TEX10: variants seen among roughly 807,000 people sequenced by gnomAD.
TEX10 encodes the protein testis expressed 10, also known as testis-expressed protein 10.
A neutral mutation model predicts 104.4 loss-of-function variants in TEX10; 24 were observed. The ratio of observed to expected loss-of-function variants is 0.23; its 90% CI spans 0.17 to 0.32. The LOEUF (loss-of-function observed/expected upper bound fraction) is 0.32, where lower values mean the gene tolerates loss of function less well. TEX10 is among the 10% of genes least tolerant of loss of function. The probability of loss-of-function intolerance (pLI) is 1.00; values close to 1 mark genes in which losing one functional copy is unlikely to be tolerated. For synonymous variants in TEX10, 396 were observed against 393.4 expected (o/e 1.01, Z -0.08); for missense variants, 921 against 1,083.9 (o/e 0.85, Z 2.11).
chr9:100,352,059 G>A (rs1423135686), intron 1 of TEX10, among the ~76,000 whole-genome samples: 1 of 152,100 alleles, frequency 6.6e-6, no homozygotes, highest in Non-Finnish European at 1.5e-5. Context: ...GCGTTTTTAG[G>A]ATTTCAATCG....
chr9:100,347,813 C>T (rs929720840), intron 2 of TEX10, among the ~76,000 whole-genome samples: 17 of 152,022 alleles, frequency 1.1e-4, no homozygotes, highest in Non-Finnish European at 2.2e-4. Context: ...TCAGAGTATA[C>T]TACCTGACAA....
At chr9:100,334,422 A>T (rs1834954799) in intron 5 of TEX10, among the ~76,000 whole-genome samples, 1 of 152,190 alleles carries the variant, frequency 6.6e-6, no homozygotes, top group African/African-American at 2.4e-5. Flanking sequence ...ATTCTTCAGA[A>T]ATGCGAGAGA....
In TEX10 at chr9:100,324,853, T is replaced by C. The variant is rs922107010; in HGVS notation, c.1979+1449A>G. Among the ~76,000 whole-genome samples the C allele has an allele frequency of 1.3e-4, 20 of 152,140 alleles. 1 individual carries two copies. The highest frequency in any genetic ancestry group is 2.4e-5 in the African/African-American group (1 of 41,454). On this transcript the variant is annotated intron_variant, in intron 9 of 14. Transcript: ENST00000374902. The stretch of plus-strand genomic sequence containing the variant: ...CTCTTAAGTTACGGAAAATTTTTTT[T>C]AAAAATTTAACTTTTAAAAGGCCTA...
chr9:100,346,613 T>G (rs1835304976), intron 3 of TEX10, 81 bp downstream of exon 3: 5 of 1,408,946 alleles, frequency 3.5e-6, no homozygotes, highest in Non-Finnish European at 4.8e-6. Context: ...ACTGCATGTC[T>G]TCCCACCAAC....
At chr9:100,312,520 C>CAA (rs1229760502) in intron 11 of TEX10, among the ~76,000 whole-genome samples, 3 of 152,102 alleles carry the variant, frequency 2.0e-5, no homozygotes, top group Non-Finnish European at 2.9e-5. Flanking sequence ...ACTTTATGTC[C>CAA]AATAAGAGGA....
chr9:100,338,872 CAG>C (rs1835082051), intron 5 of TEX10, among the ~76,000 whole-genome samples: 1 of 151,860 alleles, frequency 6.6e-6, no homozygotes, highest in African/African-American at 2.4e-5. Flanking sequence ...GCCTGGGCAA[CAG>C]AGTGAGACTC....
At chr9:100,352,739 G>A (rs1402306238) in intron 1 of TEX10, 33 bp downstream of exon 1, 2 of 1,189,256 alleles carry the variant, frequency 1.7e-6, no homozygotes, top group African/African-American at 3.2e-5. Flanking sequence ...CGCGCCCCGG[G>A]AGGACCCGGC....
chr9:100,315,641 C>T (rs1588168232), intron 11 of TEX10, among the ~76,000 whole-genome samples: 1 of 152,212 alleles, frequency 6.6e-6, no homozygotes, highest in East Asian at 1.9e-4. Flanking sequence ...TACCACCTCT[C>T]TAATCCCAGC....
At position 100,310,330 on chromosome 9, in the gene TEX10, T is replaced by C; in HGVS notation, c.2252A>G (p.Asp751Gly). The C allele has an allele frequency of 1.2e-6, 2 of 1,614,182 alleles. No homozygotes were observed. Among genetic ancestry groups the C allele is most frequent in the African/African-American group, 1.3e-5 (1 of 75,062 alleles). ...LVIPARSQNF[D>G]ILQSAISKHL... is the part of the protein sequence containing the mutation. The stretch of plus-strand genomic sequence containing the variant: ...CTTACTGATGGCACTTTGCAAGATG[T>C]CAAAGTTCTGACTTCGGGCAGGAAT... Residue 751 changes from aspartate (D) to glycine (G), a missense_variant, in exon 12 of 15, where the codon GAC (aspartate) becomes GGC (glycine). This residue lies in a region of TEX10 where 753 missense variants were observed against 868.4 expected (regional missense o/e 0.87). Transcript: ENST00000374902.
In TEX10 at chr9:100,308,611, T is replaced by C. The variant is rs1289320456; in HGVS notation, c.2354A>G (p.His785Arg). ...VFGVICKLLD[H>R]TCVVSETLLP... ...TAGAGTCTCACTAACTACACAAGTA[T>C]GATCCAGGAGCTTACAGATAACACC... The change falls in exon 13 of 15, where the codon CAT becomes CGT. Residue 785 changes from histidine to arginine, a missense_variant. His to Arg is a conservative substitution (Grantham distance 29, BLOSUM62 0). This residue lies in a region of TEX10 where 753 missense variants were observed against 868.4 expected (regional missense o/e 0.87). Coordinates refer to ENST00000374902, the MANE Select transcript of TEX10 (RefSeq NM_017746.4). 3.1e-6 allele frequency: 5 copies of C among 1,613,028 alleles called. No individual in the cohort carries two copies. In the East Asian group the frequency reaches 8.9e-5, roughly 29 times the overall value.
chr9:100,338,794 A>C (rs1313522946), intron 5 of TEX10, among the ~76,000 whole-genome samples: 1 of 152,038 alleles, frequency 6.6e-6, no homozygotes, highest in Non-Finnish European at 1.5e-5. Flanking sequence ...CAGGAGGCTG[A>C]AGCAGGAGAA....
At chr9:100,327,392 G>T (rs1834733975) in intron 8 of TEX10, among the ~76,000 whole-genome samples, 1 of 150,864 alleles carries the variant, frequency 6.6e-6, no homozygotes, top group South Asian at 2.1e-4. Flanking sequence ...TAATAATTTT[G>T]CTTAAAATAT....
Position 100,346,984 on chromosome 9 carries a change from A to G in TEX10, c.603T>C (p.Asn201=). The G allele has an allele frequency of 1.2e-6, 2 of 1,614,184 alleles. No individual in the cohort carries two copies. Among genetic ancestry groups the G allele is most frequent in the South Asian group, 2.2e-5 (2 of 91,084 alleles). The change falls in exon 3 of 15, where the codon AAT becomes AAC. Residue 201 remains asparagine (N), a synonymous_variant. Transcript: ENST00000374902. ...GTATCCAGGACTGGGATCTGTCTCTATTTATCAGTCCTTTGGACAGCTGCT... is the reference window on the plus strand; with the variant it reads ...GTATCCAGGACTGGGATCTGTCTCTGTTTATCAGTCCTTTGGACAGCTGCT... ...SHQQLSKGLI[N]RDRSQSWILS... is the part of the protein sequence containing the mutation.
chr9:100,333,027 C>CAA (rs1834908453), intron 5 of TEX10, among the ~76,000 whole-genome samples: 1 of 151,938 alleles, frequency 6.6e-6, no homozygotes, highest in Non-Finnish European at 1.5e-5. Context: ...GTTTTTGAGA[C>CAA]AGAGTGTTGC....
intron 1 of TEX10, 102 bp from the exon 2 acceptor site, chr9:100,349,474 G>A (rs937573646): frequency 2.4e-5 from 16 of 675,082 alleles, no homozygotes; most frequent in Admixed American, 8.1e-5. Flanking sequence ...TATTTCAATC[G>A]TAATCAAGAA....
At chr9:100,309,213 A>G (rs1275372973) in intron 12 of TEX10, among the ~76,000 whole-genome samples, 1 of 152,188 alleles carries the variant, frequency 6.6e-6, no homozygotes, top group African/African-American at 2.4e-5. Context: ...ATATTACTAT[A>G]GTTAACATTT....
At chr9:100,332,746 G>A (rs969251153) in intron 5 of TEX10, among the ~76,000 whole-genome samples, 4 of 151,918 alleles carry the variant, frequency 2.6e-5, no homozygotes, top group Non-Finnish European at 5.9e-5. Context: ...GCGTGAACCC[G>A]GGAGGTGGAG....
chr9:100,324,440 T>A (rs563789941), intron 9 of TEX10, among the ~76,000 whole-genome samples: 7 of 152,312 alleles, frequency 4.6e-5, no homozygotes, highest in African/African-American at 1.7e-4. Context: ...CTACTTTAGA[T>A]GGGAATAATA....
At chr9:100,335,222 T>A (rs531000725) in intron 5 of TEX10, among the ~76,000 whole-genome samples, 2 of 152,224 alleles carry the variant, frequency 1.3e-5, no homozygotes, top group South Asian at 4.1e-4. Context: ...TTTTTCTTTT[T>A]GGAGAAGTCT....
Sources: allele counts gnomAD v4.1 joint callset (sites outside exome capture counted in the v4.1 genomes callset), GRCh38; gene constraint gnomAD v4.1.1; regional missense constraint gnomAD v4.1.1; transcripts MANE v1.5; gene names NCBI Gene and HGNC (gene_info 2026-07-23, HGNC 2026-07-21).